Variants in AGO2 observed in about 807,000 individuals in gnomAD.
The protein encoded by AGO2 is argonaute RISC catalytic component 2.
Under a neutral mutation model 102.3 loss-of-function variants are expected in AGO2, and 5 were observed. The ratio of observed to expected loss-of-function variants is 0.05; its 90% CI spans 0.03 to 0.10. The LOEUF (loss-of-function observed/expected upper bound fraction) is 0.10, where lower values mean the gene tolerates loss of function less well. Ranked by LOEUF, AGO2 falls within the 10% of genes least tolerant of loss-of-function variation. AGO2 has a pLI of 1.00. For synonymous variants in AGO2, 449 were observed against 473.1 expected (o/e 0.95, Z 0.66); for missense variants, 541 against 1,183.7 (o/e 0.46, Z 7.97).
chr8:140,535,706 A>G, intron 16 of AGO2, 137 bp from the exon 17 acceptor site: 1 of 701,606 alleles, frequency 1.4e-6, no homozygotes, highest in Admixed American at 2.3e-5. Context: ...GGTCCTCGGT[A>G]GGATAGTGTT....
At chr8:140,571,455 AC>A (rs1279494597) in intron 3 of AGO2, among the ~76,000 whole-genome samples, 5 of 152,236 alleles carry the variant, frequency 3.3e-5, no homozygotes, top group African/African-American at 9.6e-5. Context: ...GCGTGATTGC[AC>A]CATTGCTTTC....
the AGO2 span, among the ~76,000 whole-genome samples, chr8:140,641,654 G>A: frequency 1.8e-4 from 27 of 152,186 alleles, no homozygotes; most frequent in Non-Finnish European, 3.5e-4. Flanking sequence ...CATGATCTTG[G>A]CTCACTGCAA....
chr8:140,547,857 G>T (rs927707133), intron 12 of AGO2, among the ~76,000 whole-genome samples: 1 of 152,254 alleles, frequency 6.6e-6, no homozygotes, highest in African/African-American at 2.4e-5. Flanking sequence ...GGCTGTGCCC[G>T]CCTCGCCCAG....
In AGO2 at chr8:140,531,881, A is replaced by G; in HGVS notation, c.*163T>C. Reference sequence around the variant, plus strand: ...GTCTGCAGTTCAAAATCCAAGTTTGAAATCTGGGACGGAAGGCATTCTGGA... The same window carrying G: ...GTCTGCAGTTCAAAATCCAAGTTTGGAATCTGGGACGGAAGGCATTCTGGA... On this transcript the variant is annotated 3_prime_UTR_variant, in exon 19 of 19. Coordinates refer to ENST00000220592, the MANE Select transcript of AGO2 (RefSeq NM_012154.5). 1.6e-6 allele frequency: 1 copy of G among 636,982 alleles called. No homozygotes were observed. 39.5% of individuals were successfully genotyped at this position (636,982 alleles called of 1,614,324 possible).
intron 2 of AGO2, among the ~76,000 whole-genome samples, chr8:140,580,662 G>GC (rs1036995370): frequency 3.9e-4 from 59 of 152,392 alleles, no homozygotes; most frequent in African/African-American, 1.4e-3. Context: ...TGATGTGTGA[G>GC]CGGGGGGTCT....
chr8:140,545,639 C>T (rs2072886349), intron 13 of AGO2, among the ~76,000 whole-genome samples: 1 of 152,210 alleles, frequency 6.6e-6, no homozygotes, highest in African/African-American at 2.4e-5. Context: ...TCCCAACAGC[C>T]TCCCCGTCTA....
At chr8:140,590,866 C>A (rs901061644) in intron 1 of AGO2, among the ~76,000 whole-genome samples, 2 of 152,196 alleles carry the variant, frequency 1.3e-5, no homozygotes, top group African/African-American at 2.4e-5. Flanking sequence ...GCCCTGGGGA[C>A]AGATCCTGCT....
chr8:140,562,777 T>C, intron 3 of AGO2, 143 bp from the exon 4 acceptor site: 1 of 836,374 alleles, frequency 1.2e-6, no homozygotes, highest in Non-Finnish European at 1.8e-6. Flanking sequence ...CACATGTGGC[T>C]ATGGAGCACT....
chr8:140,560,578 G>C, intron 4 of AGO2, 68 bp from the exon 5 acceptor site: 1 of 1,558,600 alleles, frequency 6.4e-7, no homozygotes, highest in Non-Finnish European at 8.7e-7. Flanking sequence ...CTGCCTCTGG[G>C]TGGGCTTCGC....
intron 13 of AGO2, among the ~76,000 whole-genome samples, chr8:140,546,203 C>G (rs1053191844): frequency 1.3e-5 from 2 of 152,230 alleles, no homozygotes; most frequent in African/African-American, 2.4e-5. Context: ...CCGCACCCCA[C>G]GCTCACAGCC....
intron 1 of AGO2, among the ~76,000 whole-genome samples, chr8:140,629,072 C>CAG (rs1458058435): frequency 6.6e-6 from 1 of 152,058 alleles, no homozygotes; most frequent in African/African-American, 2.4e-5. Flanking sequence ...GACTGGGCAA[C>CAG]AGAGAGAGAC....
At position 140,544,261 on chromosome 8, in the gene AGO2, G is replaced by A. The variant is rs759670361; in HGVS notation, c.1791C>T (p.Asp597=). The A allele has an allele frequency of 1.3e-5, 21 of 1,602,870 alleles. No homozygotes were observed. The highest frequency in any genetic ancestry group is 6.9e-5 in the East Asian group (3 of 43,702). ...CATCCCCGGCGGGGGGGTGAGTGAC[G>A]TCTGCTCCCAGAAAGATGACGGGCT... ...FQQPVIFLGA[D]VTHPPAGDGK... Residue 597 remains aspartate, a synonymous_variant, in exon 14 of 19, where the codon GAC becomes GAT. Coordinates refer to ENST00000220592, the MANE Select transcript of AGO2 (RefSeq NM_012154.5).
At chr8:140,576,844 C>G (rs984349120) in intron 2 of AGO2, among the ~76,000 whole-genome samples, 3 of 152,168 alleles carry the variant, frequency 2.0e-5, no homozygotes, top group African/African-American at 7.2e-5. Flanking sequence ...TGGACAAACC[C>G]ATGATGCCAC....
intron 2 of AGO2, among the ~76,000 whole-genome samples, chr8:140,580,096 G>C (rs2073532046): frequency 6.6e-6 from 1 of 152,246 alleles, no homozygotes; most frequent in Non-Finnish European, 1.5e-5. Flanking sequence ...GGTCGTGTGG[G>C]CCTTGCCCCC....
At chr8:140,544,126 G>A (rs2072849249) in intron 14 of AGO2, 87 bp downstream of exon 14, 2 of 1,398,882 alleles carry the variant, frequency 1.4e-6, no homozygotes, top group East Asian at 5.4e-5. Flanking sequence ...TTTCAGGAAG[G>A]ACCCCTGGCC....
chr8:140,614,040 A>T (rs963587078), intron 1 of AGO2, among the ~76,000 whole-genome samples: 8 of 137,048 alleles, frequency 5.8e-5, no homozygotes, highest in Non-Finnish European at 1.3e-4. Context: ...AAAAAAAAAA[A>T]GGCCAGACAC....
chr8:140,536,063 C>T (rs952486988), intron 16 of AGO2, among the ~76,000 whole-genome samples: 3 of 152,214 alleles, frequency 2.0e-5, no homozygotes, highest in African/African-American at 7.2e-5. Context: ...TTGCGCCCAG[C>T]ACCTGAGAGA....
In AGO2 at chr8:140,530,323, CG is replaced by C. The variant is rs2072570623; in HGVS notation, c.*1720del. 1 of 152,060 alleles carries C rather than the reference CG, an allele frequency of 6.6e-6. No individual in the cohort carries two copies. Among genetic ancestry groups the C allele is most frequent in the African/African-American group, 2.4e-5 (1 of 41,384 alleles). The allele number at this position is 152,060 out of a possible 1,614,324, so 9.4% of individuals were successfully genotyped here. ...AGCACAAAGGTGGGGGGGGGGGTGC[CG>C]CTGAGCAGGAGGCAGCTCCTTTGGC... On this transcript the variant is annotated 3_prime_UTR_variant, in exon 19 of 19. Transcript: ENST00000220592.
At chr8:140,615,366 GAC>G (rs1323611205) in intron 1 of AGO2, among the ~76,000 whole-genome samples, 13 of 152,266 alleles carry the variant, frequency 8.5e-5, no homozygotes, top group Non-Finnish European at 1.9e-4. Context: ...GCCCAGAGCA[GAC>G]ATAGTCAGCA....
Sources: allele counts gnomAD v4.1 joint callset (sites outside exome capture counted in the v4.1 genomes callset), GRCh38; gene constraint gnomAD v4.1.1; transcripts MANE v1.5; gene names NCBI Gene and HGNC (gene_info 2026-07-23, HGNC 2026-07-21).